PRPF8: variants seen among roughly 807,000 people sequenced by gnomAD.
PRPF8 encodes pre-mRNA-processing-splicing factor 8.
A neutral mutation model predicts 285.9 loss-of-function variants in PRPF8; 64 were observed. The ratio of observed to expected loss-of-function variants is 0.22; its 90% CI spans 0.18 to 0.28. The LOEUF (loss-of-function observed/expected upper bound fraction) is 0.28. Ranked by LOEUF, PRPF8 falls within the 10% of genes least tolerant of loss-of-function variation. PRPF8 has a pLI of 1.00. For synonymous variants in PRPF8, 1,325 were observed against 1,118.2 expected, an observed-to-expected ratio of 1.18 and a Z score of -3.69; for missense variants, 1,426 against 3,026.7, an observed-to-expected ratio of 0.47 and a Z score of 12.41.
intron 37 of PRPF8, 91 bp from the exon 38 acceptor site, chr17:1,654,107 C>G (rs1172001709): frequency 6.3e-7 from 1 of 1,589,408 alleles, no homozygotes; most frequent in Non-Finnish European, 8.6e-7. Flanking sequence ...TAGGACAGGA[C>G]AGCCTATACT....
chr17:1,654,929 C>A lies in PRPF8; in HGVS notation c.5987+421G>T, dbSNP rs1189058245. ...TACTAGCATGAGCACTCAAGCCTGGCTAAGACAAGATAATTTCTTGAGAAA... is the reference window on the plus strand; with the variant it reads ...TACTAGCATGAGCACTCAAGCCTGGATAAGACAAGATAATTTCTTGAGAAA... On this transcript the variant is annotated intron_variant, in intron 37 of 42. Coordinates refer to ENST00000304992, the MANE Select transcript of PRPF8 (RefSeq NM_006445.4). The A allele has an allele frequency of 1.3e-5, 3 of 225,536 alleles. No individual in the cohort carries two copies. The Admixed American group carries it at 1.6e-4, about 12-fold the overall frequency. The allele number at this position is 225,536 out of a possible 1,614,324, so 14.0% of individuals were successfully genotyped here. A position where few individuals can be genotyped will look rare whatever the true frequency, so the allele number is the denominator to read the frequency against.
At position 1,662,052 on chromosome 17, in the gene PRPF8, C is replaced by T. The variant is rs1216841074; in HGVS notation, c.3876G>A (p.Glu1292=). 3 of 1,614,062 alleles carry T rather than the reference C, an allele frequency of 1.9e-6. No homozygotes were observed. Among genetic ancestry groups the T allele is most frequent in the Non-Finnish European group, 2.5e-6 (3 of 1,180,032 alleles). Residue 1292 remains glutamate, a synonymous_variant, in exon 25 of 43, where the codon GAG becomes GAA. Coordinates refer to ENST00000304992, the MANE Select transcript of PRPF8 (RefSeq NM_006445.4). ...TCTTGATACGTGTCTGGATTTTGTT[C>T]TCACACTTCACCAGTAAGTCCAAGA... ...QELLDLLVKC[E]NKIQTRIKIG...
chr17:1,661,184 G>A lies in PRPF8; in HGVS notation c.4339-22C>T. On this transcript the variant is annotated intron_variant, in intron 27 of 42. Transcript: ENST00000304992. The surrounding 1 kb of genome is among the most constrained non-coding windows in gnomAD (Gnocchi z 7.3). ...AAACCTAGATGGCAAGGCAGGCACG[G>A]TCAAGCTTCTGGGTGCCTATTGCCC... The A allele has an allele frequency of 3.1e-6, 5 of 1,614,140 alleles. No homozygotes were observed. The highest frequency in any genetic ancestry group is 4.2e-6 in the Non-Finnish European group (5 of 1,180,030).
In PRPF8 at chr17:1,678,500, G is replaced by A. The variant is rs779404067; in HGVS notation, c.1854+18C>T. 3.1e-6 allele frequency: 5 copies of A among 1,614,060 alleles called. No homozygotes were observed. In the East Asian group the frequency reaches 1.1e-4, roughly 36 times the overall value. ...CTCTGTCTCAAAAAAAAGAAAGTCAGTAAAGTCAAGGTCTCACCGTGTTGA... is the reference window on the plus strand; with the variant it reads ...CTCTGTCTCAAAAAAAAGAAAGTCAATAAAGTCAAGGTCTCACCGTGTTGA... On this transcript the variant is annotated intron_variant, in intron 13 of 42. Transcript: ENST00000304992.
At chr17:1,660,852 G>C in intron 28 of PRPF8, 25 bp from the exon 29 acceptor site, 2 of 1,613,402 alleles carry the variant, frequency 1.2e-6, no homozygotes, top group Non-Finnish European at 1.7e-6. Context: ...AAGCAGGTGA[G>C]GTGATATCCT....
At position 1,661,259 on chromosome 17, in the gene PRPF8, C is replaced by A; in HGVS notation, c.4338+12G>T. On this transcript the variant is annotated intron_variant, in intron 27 of 42. Transcript: ENST00000304992. This position sits in a 1 kb window ranked among gnomAD's most constrained non-coding sequence, Gnocchi z 7.3. ...TTTCCTGACTCAGGGAAAATCTGCT[C>A]CCTCTACATACCTGATACTGCTTAA... is the stretch of plus-strand genomic sequence containing the variant. The A allele has an allele frequency of 1.1e-5, 17 of 1,614,142 alleles. No homozygotes were observed. Among genetic ancestry groups the A allele is most frequent in the Non-Finnish European group, 1.4e-5 (17 of 1,180,032 alleles).
chr17:1,681,739 C>T (rs752877629), intron 5 of PRPF8, 49 bp from the exon 6 acceptor site: 1 of 1,609,952 alleles, frequency 6.2e-7, no homozygotes, highest in Admixed American at 1.7e-5. Flanking sequence ...TAGACAAACC[C>T]ATACCACCTA....
At chr17:1,674,775 T>C (rs1912522380) in intron 20 of PRPF8, 95 bp from the exon 21 acceptor site, 3 of 1,314,708 alleles carry the variant, frequency 2.3e-6, no homozygotes, top group Admixed American at 1.7e-5. Context: ...CAAATTCTAC[T>C]TTTTTCCACT....
At position 1,653,726 on chromosome 17, in the gene PRPF8, C is replaced by CT; in HGVS notation, c.6228-44dup. ...GTGTCAGCATCGCTCAGCCCAGCAC[C>CT]TTAGGTAGTGCAGCCGGCCTTTCCA... On this transcript the variant is annotated intron_variant, in intron 38 of 42. Transcript: ENST00000304992. The surrounding 1 kb of genome is among the most constrained non-coding windows in gnomAD (Gnocchi z 4.9). 1 of 1,614,146 alleles carries CT rather than the reference C, an allele frequency of 6.2e-7. No homozygotes were observed. Among genetic ancestry groups the CT allele is most frequent in the Non-Finnish European group, 8.5e-7 (1 of 1,180,020 alleles).
In PRPF8 at chr17:1,673,271, A is replaced by G; in HGVS notation, c.3658-74T>C. 6.2e-7 allele frequency: 1 copy of G among 1,603,278 alleles called. No homozygotes were observed. Among genetic ancestry groups the G allele is most frequent in the South Asian group, 1.1e-5 (1 of 90,858 alleles). On this transcript the variant is annotated intron_variant, in intron 23 of 42. Coordinates refer to ENST00000304992, the MANE Select transcript of PRPF8 (RefSeq NM_006445.4). This position sits in a 1 kb window ranked among gnomAD's most constrained non-coding sequence, Gnocchi z 5.5. ...CAAGAGCCAACTGTGCCCACCACTC[A>G]AGTCTTTCCACCCAACAAGACTCCG... is the stretch of plus-strand genomic sequence containing the variant.
rs886052619 is a variant in PRPF8, at chr17:1,684,792, C to T, written c.-24G>A. ...GCCTGCCACGCACCCCACAGGCCCT[C>T]ACACAAGAGGCCGCTTTCCCCGCAG... On this transcript the variant is annotated 5_prime_UTR_variant, in exon 1 of 43. Transcript: ENST00000304992. 9 of 603,232 alleles carry T rather than the reference C, an allele frequency of 1.5e-5. No homozygotes were observed. The highest frequency in any genetic ancestry group is 8.7e-4 in the Middle Eastern group (2 of 2,294). The allele number at this position is 603,232 out of a possible 1,614,324, so 37.4% of individuals were successfully genotyped here. A position where few individuals can be genotyped will look rare whatever the true frequency, so the allele number is the denominator to read the frequency against.
At chr17:1,670,990 C>T (rs1158689894) in intron 24 of PRPF8, among the ~76,000 whole-genome samples, 1 of 152,072 alleles carries the variant, frequency 6.6e-6, no homozygotes, top group African/African-American at 2.4e-5. Context: ...GCTTAAGACC[C>T]TTATATGATT....
At chr17:1,672,870 A>G in intron 24 of PRPF8, 1 of 616,602 alleles carries the variant, frequency 1.6e-6, no homozygotes, top group Non-Finnish European at 2.9e-6. Context: ...AGTCCACAAG[A>G]AGGAGGCTAC....
intron 2 of PRPF8, among the ~76,000 whole-genome samples, chr17:1,683,957 G>A (rs1453827190): frequency 6.6e-6 from 1 of 151,410 alleles, no homozygotes; most frequent in Non-Finnish European, 1.5e-5. Context: ...TGCGATGTCG[G>A]CTCACTGCAA....
At chr17:1,655,312 A>G (rs767351102) in intron 37 of PRPF8, 38 bp downstream of exon 37, 10 of 1,610,496 alleles carry the variant, frequency 6.2e-6, no homozygotes, top group South Asian at 4.4e-5. Context: ...AAAACCGTAT[A>G]TAGACCTCCT....
In PRPF8 at chr17:1,661,962, C is replaced by T. The variant is rs1911696736; in HGVS notation, c.3966G>A (p.Leu1322=). 6.2e-7 allele frequency: 1 copy of T among 1,614,014 alleles called. No homozygotes were observed. The highest frequency in any genetic ancestry group is 1.3e-5 in the African/African-American group (1 of 74,900). The change falls in exon 25 of 43, where the codon TTG becomes TTA. Residue 1322 remains leucine (L), a synonymous_variant. Coordinates refer to ENST00000304992, the MANE Select transcript of PRPF8 (RefSeq NM_006445.4). This position sits in a 1 kb window ranked among gnomAD's most constrained non-coding sequence, Gnocchi z 7.3. ...PPVVFYTPKE[L]GGLGMLSMGH... ...CCATTGAGAGCATGCCGAGTCCACC[C>T]AACTCCTTAGGGGTGTAGAACACAA...
In PRPF8 at chr17:1,651,458, G is replaced by C; in HGVS notation, c.6606C>G (p.Asp2202Glu). ...DVTTHAKIMA[D>E]NPSWDGEKTI... is the part of the protein sequence containing the mutation. ...TCTTCTCGCCATCCCAAGATGGGTT[G>C]TCAGCCATGATCTTGGCATGGGTGG... The change falls in exon 41 of 43, where the codon GAC becomes GAG. Residue 2202 changes from aspartate (D) to glutamate (E), a missense_variant. Coordinates refer to ENST00000304992, the MANE Select transcript of PRPF8 (RefSeq NM_006445.4). This position sits in a 1 kb window ranked among gnomAD's most constrained non-coding sequence, Gnocchi z 5.1. 6.2e-7 allele frequency: 1 copy of C among 1,614,184 alleles called. No individual in the cohort carries two copies. Among genetic ancestry groups the C allele is most frequent in the Non-Finnish European group, 8.5e-7 (1 of 1,180,024 alleles).
rs1911187654 is a variant in PRPF8 at position 1,653,374 on chromosome 17, C to G, written c.6369+168G>C. On this transcript the variant is annotated intron_variant, in intron 39 of 42. Coordinates refer to ENST00000304992, the MANE Select transcript of PRPF8 (RefSeq NM_006445.4). The surrounding 1 kb of genome is among the most constrained non-coding windows in gnomAD (Gnocchi z 4.9). The stretch of plus-strand genomic sequence containing the variant: ...CTTCTCTCAGCTGCCACAGCTTTTG[C>G]TATCTCATGGGGCCAAAACCCACCT... 2 of 837,476 alleles carry G rather than the reference C, an allele frequency of 2.4e-6. No homozygotes were observed. The highest frequency in any genetic ancestry group is 3.0e-5 in the South Asian group (2 of 67,370). The allele number at this position is 837,476 out of a possible 1,614,324, so 51.9% of individuals were successfully genotyped here. A position where few individuals can be genotyped will look rare whatever the true frequency, so the allele number is the denominator to read the frequency against.
At position 1,653,297 on chromosome 17, in the gene PRPF8, G is replaced by T; in HGVS notation, c.6369+245C>A. Reference sequence around the variant, plus strand: ...CACACCTGGTCAGGAATTTGTTTCTGACCATATCTGTTCTCTTCCAAATAC... The same window carrying T: ...CACACCTGGTCAGGAATTTGTTTCTTACCATATCTGTTCTCTTCCAAATAC... On this transcript the variant is annotated intron_variant, in intron 39 of 42. Transcript: ENST00000304992. The surrounding 1 kb of genome is among the most constrained non-coding windows in gnomAD (Gnocchi z 4.9). The T allele has an allele frequency of 1.6e-6, 1 of 615,284 alleles. No homozygotes were observed. The allele number at this position is 615,284 out of a possible 1,614,324, so 38.1% of individuals were successfully genotyped here. A position where few individuals can be genotyped will look rare whatever the true frequency, so the allele number is the denominator to read the frequency against.
Sources: gnomAD v4.1 joint callset for allele counts (sites outside exome capture counted in the v4.1 genomes callset) on GRCh38, gnomAD v4.1.1 for gene constraint, Gnocchi (gnomAD v3.1) non-coding constraint, MANE v1.5 for transcripts, NCBI Gene and HGNC (gene_info 2026-07-23, HGNC 2026-07-21) for gene names.